Variants in MYT1L observed in about 807,000 individuals in gnomAD.
MYT1L encodes the protein myelin transcription factor 1-like protein.
MYT1L carries 12 observed loss-of-function variants against 126.7 expected under a neutral mutation model. That is an observed-to-expected ratio of 0.09 (90% confidence interval 0.06 to 0.15). The LOEUF (loss-of-function observed/expected upper bound fraction) is 0.15, where lower values mean the gene tolerates loss of function less well. MYT1L is among the 10% of genes least tolerant of loss of function. The pLI, the probability that MYT1L is intolerant of heterozygous loss-of-function variation, is 1.00. For synonymous variants in MYT1L, 541 were observed against 604.2 expected (o/e 0.90, Z 1.53); for missense variants, 979 against 1,585.2 (o/e 0.62, Z 6.49).
chr2:1,802,536 G>A (rs903910091), intron 22 of MYT1L, among the ~76,000 whole-genome samples: 1 of 152,214 alleles, frequency 6.6e-6, no homozygotes, highest in Non-Finnish European at 1.5e-5. Context: ...CCAGAATGAT[G>A]ACCTCGGCCA....
At chr2:2,320,981 A>G (rs1362408883) in intron 1 of MYT1L, among the ~76,000 whole-genome samples, 3 of 152,240 alleles carry the variant, frequency 2.0e-5, no homozygotes, top group Non-Finnish European at 4.4e-5. Context: ...GTGGTCTACC[A>G]TGCCCTTTTT....
intron 1 of MYT1L, among the ~76,000 whole-genome samples, chr2:2,304,197 C>G (rs947769745): frequency 6.6e-6 from 1 of 152,172 alleles, no homozygotes. Context: ...CCAGAAAAAT[C>G]CATATGGTGG....
intron 2 of MYT1L, among the ~76,000 whole-genome samples, chr2:2,264,259 T>C (rs2095064217): frequency 6.6e-6 from 1 of 152,072 alleles, no homozygotes; most frequent in Admixed American, 6.5e-5. Context: ...AGACCCAGGG[T>C]CTCTGCTTCC....
At chr2:1,950,825 C>T (rs186201986) in intron 8 of MYT1L, among the ~76,000 whole-genome samples, 1 of 152,264 alleles carries the variant, frequency 6.6e-6, no homozygotes, top group African/African-American at 2.4e-5. Context: ...TTGACTCAAG[C>T]CTGCAAAACC....
At chr2:2,172,324 G>A (rs2090162335) in intron 3 of MYT1L, among the ~76,000 whole-genome samples, 1 of 152,106 alleles carries the variant, frequency 6.6e-6, no homozygotes, top group South Asian at 2.1e-4. Flanking sequence ...TGAGGGTCAT[G>A]GGCACCATTC....
chr2:1,968,861 G>C (rs2059591964), intron 8 of MYT1L, among the ~76,000 whole-genome samples: 1 of 152,190 alleles, frequency 6.6e-6, no homozygotes. Flanking sequence ...GTGGATGGCA[G>C]GTGGGCGGGG....
rs940483380 is a variant in MYT1L, at chr2:1,887,776, A to G, written c.2521-167T>C. Among the ~76,000 whole-genome samples, 1 of 152,032 alleles carries G rather than the reference A, an allele frequency of 6.6e-6. No individual in the cohort carries two copies. Among genetic ancestry groups the G allele is most frequent in the African/African-American group, 2.4e-5 (1 of 41,390 alleles). ...CGCCCCTACTGAAAATGCATATTGA[A>G]CTTTTCTTCCACTGCTCTAAACTCC... On this transcript the variant is annotated intron_variant, in intron 16 of 24. Coordinates refer to ENST00000647738, the MANE Select transcript of MYT1L (RefSeq NM_001303052.2). The surrounding 1 kb of genome is among the most constrained non-coding windows in gnomAD (Gnocchi z 4.8).
At chr2:2,303,256 T>C (rs975866457) in intron 1 of MYT1L, among the ~76,000 whole-genome samples, 2 of 152,196 alleles carry the variant, frequency 1.3e-5, no homozygotes, top group African/African-American at 4.8e-5. Flanking sequence ...CAACTTTGAG[T>C]GGCCGTGGTT....
chr2:2,086,220 G>A (rs537784843), intron 3 of MYT1L, among the ~76,000 whole-genome samples: 44 of 152,262 alleles, frequency 2.9e-4, no homozygotes, highest in Non-Finnish European at 5.4e-4. Context: ...GAAGAGATGC[G>A]CTAAATAATC....
At chr2:2,194,085 T>C (rs1367688983) in intron 2 of MYT1L, among the ~76,000 whole-genome samples, 1 of 152,028 alleles carries the variant, frequency 6.6e-6, no homozygotes, top group Non-Finnish European at 1.5e-5. Context: ...TATTCATATA[T>C]ATATATATTT....
At chr2:2,263,768 TAGTTGGAGGGGCC>T (rs755537196) in intron 2 of MYT1L, among the ~76,000 whole-genome samples, 3 of 152,122 alleles carry the variant, frequency 2.0e-5, no homozygotes, top group Admixed American at 6.5e-5. Context: ...TGGGAGCTGC[TAGTTGGAGGGGCC>T]AGTGACTGTA....
In MYT1L at chr2:1,926,860, T is replaced by C. The variant is rs1439682191; in HGVS notation, c.506-3597A>G. Among the ~76,000 whole-genome samples, 7 of 152,340 alleles carry C rather than the reference T, an allele frequency of 4.6e-5. No individual in the cohort carries two copies. The South Asian group carries it at 1.2e-3, about 27-fold the overall frequency. Reference sequence around the variant, plus strand: ...GGCCTCCATTTTACTAGTTTCTATATAGTGACTATTGTTCTATCAAATAGG... The same window carrying C: ...GGCCTCCATTTTACTAGTTTCTATACAGTGACTATTGTTCTATCAAATAGG... On this transcript the variant is annotated intron_variant, in intron 9 of 24. Transcript: ENST00000647738.
chr2:2,299,790 T>A (rs2095755505), intron 1 of MYT1L, among the ~76,000 whole-genome samples: 1 of 152,236 alleles, frequency 6.6e-6, no homozygotes, highest in Non-Finnish European at 1.5e-5. Context: ...TTATCCAAAA[T>A]GATTGTTTGA....
intron 19 of MYT1L, among the ~76,000 whole-genome samples, chr2:1,843,958 C>T (rs1000481245): frequency 6.6e-6 from 1 of 152,224 alleles, no homozygotes; most frequent in Admixed American, 6.5e-5. Flanking sequence ...GCTCTAGACT[C>T]CTAGAATGCC....
chr2:2,096,631 G>C (rs1490622641), intron 3 of MYT1L, among the ~76,000 whole-genome samples: 1 of 152,174 alleles, frequency 6.6e-6, no homozygotes, highest in Non-Finnish European at 1.5e-5. Flanking sequence ...GAGCCTTGGT[G>C]AAAGGCTCTC....
At chr2:1,990,729 C>T (rs1558648106) in intron 5 of MYT1L, among the ~76,000 whole-genome samples, 3 of 152,182 alleles carry the variant, frequency 2.0e-5, no homozygotes, top group Admixed American at 2.0e-4. Flanking sequence ...AAAAGAACGG[C>T]AGTTCTGTGT....
intron 3 of MYT1L, among the ~76,000 whole-genome samples, chr2:2,074,788 G>A (rs914452362): frequency 2.6e-5 from 4 of 152,168 alleles, no homozygotes; most frequent in Non-Finnish European, 5.9e-5. Flanking sequence ...AAGAACATTA[G>A]GAGTCAGTCT....
At position 1,979,643 on chromosome 2, in the gene MYT1L, T is replaced by TG; in HGVS notation, c.55+79dup. 1 of 1,604,350 alleles carries TG rather than the reference T, an allele frequency of 6.2e-7. No homozygotes were observed. Among genetic ancestry groups the TG allele is most frequent in the South Asian group, 1.1e-5 (1 of 90,736 alleles). On this transcript the variant is annotated intron_variant, in intron 6 of 24. Transcript: ENST00000647738. This position sits in a 1 kb window ranked among gnomAD's most constrained non-coding sequence, Gnocchi z 4.0. The stretch of plus-strand genomic sequence containing the variant: ...AATTACCAAAAGGGTGGCATGAAAG[T>TG]GGGGTCAGAATCGACCTCAGTTCCG...
intron 21 of MYT1L, among the ~76,000 whole-genome samples, chr2:1,818,230 G>A (rs796203878): frequency 2.0e-5 from 3 of 152,252 alleles, no homozygotes; most frequent in African/African-American, 7.2e-5. Flanking sequence ...TTTGAGAGGA[G>A]GTGGGAGTGT....
Sources: gnomAD v4.1 joint callset for allele counts (sites outside exome capture counted in the v4.1 genomes callset) on GRCh38, gnomAD v4.1.1 for gene constraint, Gnocchi (gnomAD v3.1) non-coding constraint, MANE v1.5 for transcripts, NCBI Gene and HGNC (gene_info 2026-07-23, HGNC 2026-07-21) for gene names.